SLC22A25: variants seen among roughly 807,000 people sequenced by gnomAD.
SLC22A25 encodes the protein MGI:2442751, MGI:2385316, MGI:3042283, MGI:3645714, MGI:3605624, MGI:2442750.
A neutral mutation model predicts 45.9 loss-of-function variants in SLC22A25; 44 were observed. The ratio of observed to expected loss-of-function variants is 0.96; its 90% CI spans 0.75 to 1.23. SLC22A25 has a LOEUF of 1.23. Among genes scored for constraint, SLC22A25 ranks in the 50% most tolerant of loss-of-function variants. SLC22A25 has a pLI of 0.00. For missense variants in SLC22A25, 800 were observed against 666.4 expected (o/e 1.20, Z -2.21); for synonymous variants, 283 against 238.6 (o/e 1.19, Z -1.72).
intron 5 of SLC22A25, chr11:63,219,836 G>T: frequency 9.9e-7 from 1 of 1,008,760 alleles, no homozygotes; most frequent in South Asian, 1.3e-5. Flanking sequence ...GTCCCAGAGA[G>T]CTGGGTTACT....
At chr11:63,225,026 G>T (rs943919234) in intron 5 of SLC22A25, among the ~76,000 whole-genome samples, 1 of 152,204 alleles carries the variant, frequency 6.6e-6, no homozygotes, top group South Asian at 2.1e-4. Context: ...GTGAACCCAG[G>T]AGGCGGAGCT....
At position 63,238,916 on chromosome 11, in the gene SLC22A25, T is replaced by C. The variant is rs1381421537; in HGVS notation, c.-776A>G. On this transcript the variant is annotated 5_prime_UTR_variant, in exon 2 of 12. Transcript: ENST00000306494. Reference sequence around the variant, plus strand: ...GAGATTCTCAGGAGGGCATCTTGGCTGAGGATCACAGTTTCTTCGTCCAAG... The same window carrying C: ...GAGATTCTCAGGAGGGCATCTTGGCCGAGGATCACAGTTTCTTCGTCCAAG... The C allele has an allele frequency of 2.8e-5, 6 of 216,276 alleles. No individual in the cohort carries two copies. In the East Asian group the frequency reaches 6.9e-4, roughly 25 times the overall value. 13.4% of individuals were successfully genotyped at this position (216,276 alleles called of 1,614,324 possible).
chr11:63,172,987 G>A (rs144342608), intron 9 of SLC22A25, among the ~76,000 whole-genome samples: 16 of 152,212 alleles, frequency 1.1e-4, no homozygotes, highest in Admixed American at 5.9e-4. Flanking sequence ...ATCAATGATA[G>A]ACTGGATAAA....
At chr11:63,241,502 T>A (rs1431750318) in intron 1 of SLC22A25, among the ~76,000 whole-genome samples, 1 of 152,174 alleles carries the variant, frequency 6.6e-6, no homozygotes, top group Admixed American at 6.5e-5. Flanking sequence ...ATCCAATCTT[T>A]CTGTTTATAG....
chr11:63,204,996 G>A (rs962095335), intron 7 of SLC22A25, among the ~76,000 whole-genome samples: 1 of 152,090 alleles, frequency 6.6e-6, no homozygotes, highest in Non-Finnish European at 1.5e-5. Flanking sequence ...TAGAACTCAG[G>A]ATTAAGAAAC....
At chr11:63,228,894 T>C (rs1405618170) in intron 4 of SLC22A25, among the ~76,000 whole-genome samples, 2 of 152,228 alleles carry the variant, frequency 1.3e-5, no homozygotes, top group Non-Finnish European at 2.9e-5. Flanking sequence ...TGTTGTAAGA[T>C]ATAGTCTGGA....
chr11:63,205,470 A>T (rs924753123), intron 7 of SLC22A25, among the ~76,000 whole-genome samples: 35 of 152,310 alleles, frequency 2.3e-4, no homozygotes, highest in African/African-American at 8.2e-4. Flanking sequence ...GATAAAGGGG[A>T]TATCACTGCT....
chr11:63,213,862 G>T (rs1348535691), intron 7 of SLC22A25, among the ~76,000 whole-genome samples: 1 of 152,188 alleles, frequency 6.6e-6, no homozygotes, highest in Non-Finnish European at 1.5e-5. Context: ...ATAACAGATG[G>T]GGTGCGATAT....
intron 7 of SLC22A25, among the ~76,000 whole-genome samples, chr11:63,197,021 TA>T (rs2089062404): frequency 6.6e-6 from 1 of 151,798 alleles, no homozygotes; most frequent in Admixed American, 6.6e-5. Context: ...TCAAAGAGAA[TA>T]AAATACCTAG....
intron 7 of SLC22A25, among the ~76,000 whole-genome samples, chr11:63,184,561 A>G (rs1021888854): frequency 6.6e-6 from 1 of 152,172 alleles, no homozygotes; most frequent in South Asian, 2.1e-4. Flanking sequence ...ACAGGACAAG[A>G]TGTAAATTGT....
Position 63,243,530 on chromosome 11 carries a change from A to C in SLC22A25, c.-1092T>G. ...CCTGGCCTCCAGGCTCAAAGAGTCC[A>C]GCCCACTGACTGCCAAAAAGCTGTG... On this transcript the variant is annotated 5_prime_UTR_variant, in exon 1 of 12. Coordinates refer to ENST00000306494, the MANE Select transcript of SLC22A25 (RefSeq NM_199352.6). The C allele has an allele frequency of 1.3e-6, 1 of 763,428 alleles. No homozygotes were observed. Among genetic ancestry groups the C allele is most frequent in the Admixed American group, 1.7e-5 (1 of 57,602 alleles). 47.3% of individuals were successfully genotyped at this position (763,428 alleles called of 1,614,324 possible).
At chr11:63,214,344 CAGT>C (rs1208419881) in intron 7 of SLC22A25, among the ~76,000 whole-genome samples, 1 of 152,160 alleles carries the variant, frequency 6.6e-6, no homozygotes, top group African/African-American at 2.4e-5. Context: ...AGGTGGCAAA[CAGT>C]GGTGCTTTCT....
Position 63,217,752 on chromosome 11 carries a change from C to CAT in SLC22A25, c.507-19_507-18dup. On this transcript the variant is annotated splice_polypyrimidine_tract_variant and intron_variant, in intron 5 of 11. Transcript: ENST00000306494. ...CTCCCAAACCTGAGAAACAGGGGCACATTAGATAATGGGAACAATAACAAC... is the reference window on the plus strand; with the variant it reads ...CTCCCAAACCTGAGAAACAGGGGCACATATTAGATAATGGGAACAATAACAAC... 1.3e-6 allele frequency: 2 copies of CAT among 1,591,268 alleles called. No individual in the cohort carries two copies. The highest frequency in any genetic ancestry group is 1.7e-6 in the Non-Finnish European group (2 of 1,172,580).
chr11:63,207,513 A>G (rs559393030), intron 7 of SLC22A25, among the ~76,000 whole-genome samples: 1 of 152,352 alleles, frequency 6.6e-6, no homozygotes, highest in East Asian at 1.9e-4. Context: ...CATATGAAAA[A>G]AAGCTCATCA....
At chr11:63,169,042 A>G (rs1268466145) in intron 9 of SLC22A25, among the ~76,000 whole-genome samples, 1 of 152,228 alleles carries the variant, frequency 6.6e-6, no homozygotes, top group African/African-American at 2.4e-5. Context: ...AGAATTTTCA[A>G]CCCAGAATTT....
At chr11:63,198,461 G>C (rs1038163468) in intron 7 of SLC22A25, among the ~76,000 whole-genome samples, 1 of 152,086 alleles carries the variant, frequency 6.6e-6, no homozygotes, top group African/African-American at 2.4e-5. Flanking sequence ...TGAGCAAACT[G>C]TTACAAGGAC....
intron 7 of SLC22A25, among the ~76,000 whole-genome samples, chr11:63,186,027 A>G (rs1445714108): frequency 6.6e-6 from 1 of 152,038 alleles, no homozygotes; most frequent in East Asian, 1.9e-4. Flanking sequence ...TCTTTATAGT[A>G]GCATGATTTA....
In SLC22A25 at chr11:63,183,733, C is replaced by G. The variant is rs1377384325; in HGVS notation, c.915G>C (p.Arg305Ser). The change falls in exon 8 of 12, where the codon AGG becomes AGC. Residue 305 changes from arginine to serine, a missense_variant. Physicochemically the swap from Arg to Ser is moderately radical, Grantham distance 110 (BLOSUM62 -1). Coordinates refer to ENST00000306494, the MANE Select transcript of SLC22A25 (RefSeq NM_199352.6). ...TGTCTTCAGCATTCTTCATTCCATT[C>G]CTGTGTGCAGCTTTTCTAAGTTCCT... Reference protein sequence around the residue: ...GLKELRKAAHRNGMKNAEDIL... With the variant: ...GLKELRKAAHSNGMKNAEDIL... 1 of 1,613,178 alleles carries G rather than the reference C, an allele frequency of 6.2e-7. No homozygotes were observed. Among genetic ancestry groups the G allele is most frequent in the South Asian group, 1.1e-5 (1 of 91,030 alleles).
rs1434490514 is a variant in SLC22A25 at position 63,160,907 on chromosome 11, A to T, written c.*2917T>A. 1.3e-5 allele frequency among the ~76,000 whole-genome samples: 2 copies of T among 152,146 alleles called. No individual in the cohort carries two copies. The highest frequency in any genetic ancestry group is 3.9e-4 in the East Asian group (2 of 5,190). ...TGGAATTGTATGGGGCCTTTAGTAA[A>T]ACTGCTATGGAGAACAGTTTGGAGG... On this transcript the variant is annotated 3_prime_UTR_variant, in exon 12 of 12. Coordinates refer to ENST00000306494, the MANE Select transcript of SLC22A25 (RefSeq NM_199352.6).
Sources: allele counts gnomAD v4.1 joint callset (sites outside exome capture counted in the v4.1 genomes callset), GRCh38; gene constraint gnomAD v4.1.1; transcripts MANE v1.5; gene names NCBI Gene and HGNC (gene_info 2026-07-23, HGNC 2026-07-21).